Variants in C1QTNF3 observed in about 807,000 individuals in gnomAD.
The protein encoded by C1QTNF3 is complement C1q tumor necrosis factor-related protein 3.
Under a neutral mutation model 32.6 loss-of-function variants are expected in C1QTNF3, and 26 were observed. That is an observed-to-expected ratio of 0.80 (90% CI 0.58 to 1.11). The LOEUF is 1.11. C1QTNF3 is among the 50% of genes least tolerant of loss of function. C1QTNF3 has a pLI of 0.00. For synonymous variants in C1QTNF3, 155 were observed against 146.0 expected (o/e 1.06, Z -0.44); for missense variants, 362 against 398.2 (o/e 0.91, Z 0.77).
At chr5:34,208,477 C>T in the C1QTNF3 span, among the ~76,000 whole-genome samples, 1 of 151,930 alleles carries the variant, frequency 6.6e-6, no homozygotes, top group East Asian at 1.9e-4. Flanking sequence ...GCCAGTAGCA[C>T]ACCCTCTCTT....
chr5:34,202,605 T>C, the C1QTNF3 span, among the ~76,000 whole-genome samples: 3 of 150,812 alleles, frequency 2.0e-5, no homozygotes, highest in African/African-American at 7.3e-5. Context: ...CATTACCATA[T>C]ATTACTTTAT....
At chr5:34,051,667 G>C in the C1QTNF3 span, among the ~76,000 whole-genome samples, 2 of 152,150 alleles carry the variant, frequency 1.3e-5, no homozygotes, top group African/African-American at 4.8e-5. Flanking sequence ...GAGAAGGCAG[G>C]GTACTTCCTC....
the C1QTNF3 span, chr5:34,168,774 C>A: frequency 1.3e-5 from 2 of 152,110 alleles, no homozygotes; most frequent in South Asian, 2.1e-4. Flanking sequence ...CAAGCCTTGA[C>A]CTTTTATTTT....
At chr5:34,092,941 T>C in the C1QTNF3 span, among the ~76,000 whole-genome samples, 1 of 151,980 alleles carries the variant, frequency 6.6e-6, no homozygotes, top group Non-Finnish European at 1.5e-5. Context: ...ATGTAGACTA[T>C]GATATGTTCA....
chr5:34,035,602 G>T, intron 2 of C1QTNF3, 45 bp downstream of exon 2: 1 of 1,394,508 alleles, frequency 7.2e-7, no homozygotes, highest in Non-Finnish European at 1.0e-6. Flanking sequence ...TCCTACTTTA[G>T]CTCAGGCTGC....
At chr5:34,121,400 G>C in the C1QTNF3 span, among the ~76,000 whole-genome samples, 45 of 152,246 alleles carry the variant, frequency 3.0e-4, no homozygotes, top group South Asian at 8.9e-3. Context: ...TGGCTAGGGA[G>C]GCCTCAGAAT....
At chr5:34,213,077 G>T in the C1QTNF3 span, among the ~76,000 whole-genome samples, 3 of 152,180 alleles carry the variant, frequency 2.0e-5, no homozygotes, top group African/African-American at 7.2e-5. Flanking sequence ...ATATCACGAT[G>T]ACTCATTTTC....
At chr5:34,072,066 A>G in the C1QTNF3 span, among the ~76,000 whole-genome samples, 1 of 152,044 alleles carries the variant, frequency 6.6e-6, no homozygotes, top group Non-Finnish European at 1.5e-5. Context: ...AGAAAGATTG[A>G]TTATAATTAA....
At chr5:34,143,060 G>T in the C1QTNF3 span, among the ~76,000 whole-genome samples, 1 of 152,312 alleles carries the variant, frequency 6.6e-6, no homozygotes. Flanking sequence ...TGGAAGGACT[G>T]AAAGATTAGT....
At chr5:34,107,782 C>G in the C1QTNF3 span, among the ~76,000 whole-genome samples, 1 of 152,048 alleles carries the variant, frequency 6.6e-6, no homozygotes, top group South Asian at 2.1e-4. Context: ...AGTCAATTTC[C>G]TCCCAATAAA....
At chr5:34,056,340 C>T in the C1QTNF3 span, among the ~76,000 whole-genome samples, 1 of 149,790 alleles carries the variant, frequency 6.7e-6, no homozygotes, top group Non-Finnish European at 1.5e-5. Flanking sequence ...TTTTAGTTCA[C>T]CTTTTATTTT....
the C1QTNF3 span, chr5:34,165,206 T>C: frequency 3.3e-5 from 5 of 152,238 alleles, no homozygotes; most frequent in South Asian, 4.1e-4. Context: ...CTGAGAGTTA[T>C]ACCATCAGTT....
the C1QTNF3 span, among the ~76,000 whole-genome samples, chr5:34,075,461 A>C: frequency 7.3e-5 from 11 of 151,716 alleles, no homozygotes; most frequent in African/African-American, 2.7e-4. Context: ...AGTACATGGA[A>C]AGAAAAAGAA....
chr5:34,030,247 T>C (rs1384600436), intron 3 of C1QTNF3, among the ~76,000 whole-genome samples: 1 of 152,208 alleles, frequency 6.6e-6, no homozygotes, highest in South Asian at 2.1e-4. Context: ...TGGTTACAAA[T>C]ACTTTATGTG....
At chr5:34,067,507 C>T in the C1QTNF3 span, among the ~76,000 whole-genome samples, 5 of 152,248 alleles carry the variant, frequency 3.3e-5, no homozygotes, top group South Asian at 2.1e-4. Flanking sequence ...ACATGAATGG[C>T]GGCAGGCGAA....
the C1QTNF3 span, among the ~76,000 whole-genome samples, chr5:34,211,336 A>G: frequency 6.6e-6 from 1 of 152,132 alleles, no homozygotes; most frequent in Non-Finnish European, 1.5e-5. Flanking sequence ...CTAGGATCTT[A>G]GATGAGTTTA....
chr5:34,177,196 T>A, the C1QTNF3 span, among the ~76,000 whole-genome samples: 5 of 151,992 alleles, frequency 3.3e-5, no homozygotes, highest in East Asian at 1.9e-4. Flanking sequence ...CAAAAAAAAA[T>A]TTTTTTAAAT....
At chr5:34,070,749 G>A in the C1QTNF3 span, among the ~76,000 whole-genome samples, 1 of 151,894 alleles carries the variant, frequency 6.6e-6, no homozygotes, top group East Asian at 1.9e-4. Flanking sequence ...AGGCAGCATG[G>A]TAGCATTGAC....
the C1QTNF3 span, among the ~76,000 whole-genome samples, chr5:34,072,943 C>T: frequency 1.3e-4 from 20 of 152,024 alleles, no homozygotes. Flanking sequence ...ACATTTTTTT[C>T]TGTAATCTAT....
Sources: gnomAD v4.1 joint callset for allele counts (sites outside exome capture counted in the v4.1 genomes callset) on GRCh38, gnomAD v4.1.1 for gene constraint, MANE v1.5 for transcripts, NCBI Gene and HGNC (gene_info 2026-07-23, HGNC 2026-07-21) for gene names.